The following KDM5B variants were observed in gnomAD, a reference collection of about 807,000 sequenced individuals.
The protein encoded by KDM5B is lysine demethylase 5B.
A neutral mutation model predicts 193.4 loss-of-function variants in KDM5B; 144 were observed. That is an observed-to-expected ratio of 0.74 (90% CI 0.65 to 0.86). The LOEUF is 0.86. Ranked by LOEUF, KDM5B falls within the 40% of genes least tolerant of loss-of-function variation. KDM5B has a pLI of 0.00. For missense variants in KDM5B, 1,833 were observed against 1,886.9 expected (o/e 0.97, Z 0.53); for synonymous variants, 668 against 682.6 (o/e 0.98, Z 0.33).
At chr1:202,746,364 T>A in intron 14 of KDM5B, 41 bp from the exon 15 acceptor site, 1 of 1,375,386 alleles carries the variant, frequency 7.3e-7, no homozygotes. Context: ...CAAAGGATAA[T>A]ATAATCCACC....
chr1:202,762,234 A>ATTCC (rs981602183), intron 7 of KDM5B, among the ~76,000 whole-genome samples: 3 of 149,516 alleles, frequency 2.0e-5, no homozygotes, highest in South Asian at 4.3e-4. Context: ...CTTCCTTTTC[A>ATTCC]TTCCTTCCTT....
In KDM5B at chr1:202,798,949, G is replaced by A. The variant is rs779190481; in HGVS notation, c.204+9153C>T. 6.2e-4 allele frequency among the ~76,000 whole-genome samples: 94 copies of A among 152,130 alleles called. 2 individuals are homozygous for A. Among genetic ancestry groups the A allele is most frequent in the Non-Finnish European group, 1.6e-4 (11 of 68,030 alleles). The stretch of plus-strand genomic sequence containing the variant: ...GTGAGAGGACGGCTTGAGCTCATGA[G>A]GTCAAGGCTGCAATGAACTATGATT... On this transcript the variant is annotated intron_variant, in intron 1 of 26. Transcript: ENST00000367265.
chr1:202,764,704 C>T (rs943465962), intron 5 of KDM5B, among the ~76,000 whole-genome samples: 28 of 152,050 alleles, frequency 1.8e-4, no homozygotes, highest in Non-Finnish European at 2.9e-4. Context: ...TGTGGCTGGG[C>T]GAGGTGCCTC....
At chr1:202,772,175 G>C (rs1656747832) in intron 4 of KDM5B, among the ~76,000 whole-genome samples, 2 of 152,112 alleles carry the variant, frequency 1.3e-5, no homozygotes, top group African/African-American at 2.4e-5. Flanking sequence ...TAAAGTTATA[G>C]GACTCACTGC....
chr1:202,776,191 C>G (rs1418952673), intron 2 of KDM5B: 1 of 152,046 alleles, frequency 6.6e-6, no homozygotes. Context: ...GATAATGCTG[C>G]TGCACTCCAC....
chr1:202,750,117 T>A (rs1192253434), intron 13 of KDM5B, among the ~76,000 whole-genome samples: 2 of 152,156 alleles, frequency 1.3e-5, no homozygotes, highest in East Asian at 3.8e-4. Flanking sequence ...ATCAACAAAG[T>A]CTTGCTACAA....
At chr1:202,762,991 A>G (rs534510152) in intron 6 of KDM5B, among the ~76,000 whole-genome samples, 183 bp from the exon 7 acceptor site, 6 of 152,230 alleles carry the variant, frequency 3.9e-5, no homozygotes, top group African/African-American at 1.4e-4. Flanking sequence ...GATAAAATGC[A>G]AACTCTTGTG....
At chr1:202,785,342 T>C (rs772688097) in intron 1 of KDM5B, among the ~76,000 whole-genome samples, 5 of 152,180 alleles carry the variant, frequency 3.3e-5, no homozygotes, top group Non-Finnish European at 5.9e-5. Flanking sequence ...TAACCTCCTC[T>C]ATATTTTCCC....
intron 14 of KDM5B, among the ~76,000 whole-genome samples, chr1:202,747,339 T>C (rs1655597914): frequency 6.6e-6 from 1 of 152,106 alleles, no homozygotes; most frequent in Non-Finnish European, 1.5e-5. Context: ...AATCATGTAG[T>C]TCATACCTAA....
At chr1:202,774,489 A>C (rs1656855463) in intron 3 of KDM5B, 124 bp downstream of exon 3, 1 of 807,158 alleles carries the variant, frequency 1.2e-6, no homozygotes. Context: ...TGACCTCCCA[A>C]AGTGCTGAGA....
chr1:202,756,429 T>C lies in KDM5B; in HGVS notation c.1285A>G (p.Ile429Val), dbSNP rs1656015397. ...CCACTGCCAAATTCCTTTGAGGCAA[T>C]GTCAGCTCCATATTCCACTGTGACA... The part of the protein sequence containing the change: ...EDVTVEYGAD[I>V]ASKEFGSGFP... The change falls in exon 10 of 27, where the codon ATT becomes GTT. Residue 429 changes from isoleucine to valine, a missense_variant. This residue lies in a region of KDM5B where 1,379 missense variants were observed against 1,349.6 expected (regional missense o/e 1.02). Transcript: ENST00000367265. The C allele has an allele frequency of 1.2e-6, 2 of 1,613,842 alleles. No individual in the cohort carries two copies. The highest frequency in any genetic ancestry group is 1.7e-6 in the Non-Finnish European group (2 of 1,179,838).
intron 1 of KDM5B, among the ~76,000 whole-genome samples, chr1:202,781,938 T>A (rs911044197): frequency 6.6e-6 from 1 of 152,184 alleles, no homozygotes; most frequent in Admixed American, 6.5e-5. Context: ...ATAAAGATAT[T>A]TGATGTTCTC....
At position 202,760,373 on chromosome 1, in the gene KDM5B, TA is replaced by T. The variant is rs772979560; in HGVS notation, c.1077+41del. 93 of 1,451,474 alleles carry T rather than the reference TA, an allele frequency of 6.4e-5. 1 individual carries two copies. The East Asian group carries it at 2.2e-3, about 35-fold the overall frequency. 89.9% of individuals were successfully genotyped at this position (1,451,474 alleles called of 1,614,324 possible). A position where few individuals can be genotyped will look rare whatever the true frequency, so the allele number is the denominator to read the frequency against. The stretch of plus-strand genomic sequence containing the variant: ...AACTCAAAGGCAAAGAAAAATGCCC[TA>T]AAAAAATTTTTCTAGTGTTACCTCT... On this transcript the variant is annotated intron_variant, in intron 8 of 26. Coordinates refer to ENST00000367265, the MANE Select transcript of KDM5B (RefSeq NM_006618.5).
intron 4 of KDM5B, 48 bp from the exon 5 acceptor site, chr1:202,767,108 A>G (rs530981545): frequency 1.4e-4 from 216 of 1,597,202 alleles, no homozygotes; most frequent in Non-Finnish European, 1.8e-4. Flanking sequence ...TTTTTTTCAC[A>G]TCATAAGTTT....
intron 1 of KDM5B, among the ~76,000 whole-genome samples, chr1:202,807,539 C>T (rs1432002931): frequency 6.6e-6 from 1 of 152,000 alleles, no homozygotes; most frequent in Non-Finnish European, 1.5e-5. Context: ...GGGTGGGGCG[C>T]CCAGGTGAGG....
At chr1:202,777,964 CAGG>C (rs1558508639) in intron 1 of KDM5B, among the ~76,000 whole-genome samples, 1 of 152,090 alleles carries the variant, frequency 6.6e-6, no homozygotes, top group Non-Finnish European at 1.5e-5. Flanking sequence ...CACCTGAGGT[CAGG>C]AGTTCAAGAC....
intron 1 of KDM5B, among the ~76,000 whole-genome samples, chr1:202,798,621 T>TG (rs1341122293): frequency 6.6e-6 from 1 of 151,854 alleles, no homozygotes; most frequent in South Asian, 2.1e-4. Flanking sequence ...CTCAACTAAA[T>TG]GGGGGGCTGA....
chr1:202,768,961 G>A (rs1015180927), intron 4 of KDM5B, among the ~76,000 whole-genome samples: 1 of 151,526 alleles, frequency 6.6e-6, no homozygotes, highest in African/African-American at 2.4e-5. Flanking sequence ...TGATCAGCCC[G>A]CCTCAGCCTC....
intron 1 of KDM5B, among the ~76,000 whole-genome samples, chr1:202,782,358 A>AT (rs913225438): frequency 5.9e-5 from 9 of 151,714 alleles, no homozygotes; most frequent in Non-Finnish European, 1.0e-4. Flanking sequence ...TGGGACACGA[A>AT]TTTTTTTTTC....
Sources: allele counts gnomAD v4.1 joint callset (sites outside exome capture counted in the v4.1 genomes callset), GRCh38; gene constraint gnomAD v4.1.1; regional missense constraint gnomAD v4.1.1; transcripts MANE v1.5; gene names NCBI Gene and HGNC (gene_info 2026-07-23, HGNC 2026-07-21).